CRACD: variants seen among roughly 807,000 people sequenced by gnomAD.
The protein encoded by CRACD is capping protein inhibiting regulator of actin dynamics.
In CRACD, 56 loss-of-function variants were observed where a neutral mutation model predicts 106.8. The ratio of observed to expected loss-of-function variants is 0.52; its 90% CI spans 0.42 to 0.66. The LOEUF is 0.66. Among genes scored for constraint, CRACD ranks in the 30% least tolerant of loss-of-function variants. The pLI, the probability that CRACD is intolerant of heterozygous loss-of-function variation, is 0.00. For synonymous variants in CRACD, 754 were observed against 670.8 expected (o/e 1.12, Z -1.92); for missense variants, 1,730 against 1,623.2 (o/e 1.07, Z -1.13).
intron 1 of CRACD, among the ~76,000 whole-genome samples, chr4:56,073,616 T>C (rs1732737985): frequency 6.6e-6 from 1 of 152,200 alleles, no homozygotes; most frequent in Non-Finnish European, 1.5e-5. Context: ...TTTTGTCAGA[T>C]GGATAGATTG....
intron 1 of CRACD, among the ~76,000 whole-genome samples, chr4:56,147,452 G>A (rs1173618579): frequency 6.6e-6 from 1 of 152,030 alleles, no homozygotes; most frequent in Non-Finnish European, 1.5e-5. Context: ...CTAGCCCTAG[G>A]CAACCACTGA....
intron 1 of CRACD, among the ~76,000 whole-genome samples, chr4:56,079,257 C>T (rs1211535872): frequency 6.6e-6 from 1 of 151,774 alleles, no homozygotes; most frequent in East Asian, 1.9e-4. Context: ...AAGGTTATGA[C>T]TGACTCTGAA....
At chr4:56,089,877 TGGGA>T (rs1733361859) in intron 1 of CRACD, among the ~76,000 whole-genome samples, 1 of 152,172 alleles carries the variant, frequency 6.6e-6, no homozygotes. Context: ...TACCTGTGAA[TGGGA>T]GGAGGTTTTA....
At chr4:56,253,144 C>T (rs17086549) in intron 2 of CRACD, among the ~76,000 whole-genome samples, 4,327 of 152,220 alleles carry the variant, frequency 0.028, 85 homozygotes, top group South Asian at 0.096. Context: ...AGACATGAAA[C>T]GACTTGGCTC....
intron 1 of CRACD, among the ~76,000 whole-genome samples, chr4:56,124,879 T>C (rs1388246663): frequency 3.3e-5 from 5 of 152,180 alleles, no homozygotes; most frequent in Non-Finnish European, 7.3e-5. Flanking sequence ...CGCTGGCCAC[T>C]GGGAAGCAGA....
chr4:56,329,856 A>G lies in CRACD; in HGVS notation c.*2052A>G, dbSNP rs2109813457. On this transcript the variant is annotated 3_prime_UTR_variant, in exon 11 of 11. Transcript: ENST00000682029. ...CAGGTGGGGAACTAAGATCAGTTACAAAAAGTTGTAGATGTGTCAACTTTG... is the reference window on the plus strand; with the variant it reads ...CAGGTGGGGAACTAAGATCAGTTACGAAAAGTTGTAGATGTGTCAACTTTG... Among the ~76,000 whole-genome samples, 1 of 152,338 alleles carries G rather than the reference A, an allele frequency of 6.6e-6. No individual in the cohort carries two copies. The highest frequency in any genetic ancestry group is 1.9e-4 in the East Asian group (1 of 5,190).
intron 1 of CRACD, among the ~76,000 whole-genome samples, chr4:56,159,312 C>G (rs1428348872): frequency 1.3e-5 from 2 of 152,226 alleles, no homozygotes; most frequent in South Asian, 4.1e-4. Flanking sequence ...TACAACCTTT[C>G]TGTGCATAAT....
intron 1 of CRACD, among the ~76,000 whole-genome samples, chr4:56,078,317 A>C (rs886466426): frequency 1.3e-5 from 2 of 152,232 alleles, no homozygotes; most frequent in African/African-American, 4.8e-5. Context: ...ACTGAATTTA[A>C]CATATAGATT....
chr4:56,121,563 G>A (rs533964333), intron 1 of CRACD, among the ~76,000 whole-genome samples: 1 of 152,206 alleles, frequency 6.6e-6, no homozygotes, highest in African/African-American at 2.4e-5. Context: ...GGAATTGCTT[G>A]AACCTGGGAG....
Position 56,314,938 on chromosome 4 carries a change from C to T in CRACD, c.1436C>T (p.Pro479Leu). 6.3e-7 allele frequency: 1 copy of T among 1,599,038 alleles called. No homozygotes were observed. The highest frequency in any genetic ancestry group is 8.5e-7 in the Non-Finnish European group (1 of 1,174,290). Residue 479 changes from proline to leucine, a missense_variant, in exon 8 of 11, where the codon CCC (proline) becomes CTC (leucine). Physicochemically the swap from Pro to Leu is moderately conservative, Grantham distance 98 (BLOSUM62 -3). Transcript: ENST00000682029. The surrounding 1 kb of genome is among the most constrained non-coding windows in gnomAD (Gnocchi z 4.4). ...GDFQGADRPG[P>L]EEKREEGDTE... ...TTCCAGGGGGCCGATCGTCCTGGGC[C>T]CGAGGAAAAGAGAGAAGAAGGGGAC...
intron 2 of CRACD, among the ~76,000 whole-genome samples, chr4:56,202,839 AATCACCTGATTCT>A (rs1737948961): frequency 6.6e-6 from 1 of 152,198 alleles, no homozygotes; most frequent in Admixed American, 6.5e-5. Context: ...TTATAATAAA[AATCACCTGATTCT>A]ATCACCTAGA....
intron 2 of CRACD, among the ~76,000 whole-genome samples, chr4:56,237,290 G>C (rs1344527090): frequency 6.6e-6 from 1 of 151,996 alleles, no homozygotes; most frequent in Non-Finnish European, 1.5e-5. Flanking sequence ...TTATTAAAAT[G>C]AAACCAATAT....
At chr4:56,146,084 T>C (rs1294485852) in intron 1 of CRACD, among the ~76,000 whole-genome samples, 1 of 152,196 alleles carries the variant, frequency 6.6e-6, no homozygotes, top group Non-Finnish European at 1.5e-5. Flanking sequence ...TCCTATACAT[T>C]TTATTATTAT....
chr4:56,130,110 A>ATCCAGCT lies in CRACD; in HGVS notation c.-335-49174_-335-49173insTCCAGCT, dbSNP rs1490197592. Among the ~76,000 whole-genome samples the ATCCAGCT allele has an allele frequency of 2.6e-5, 4 of 152,272 alleles. No homozygotes were observed. In the East Asian group the frequency reaches 7.7e-4, roughly 29 times the overall value. On this transcript the variant is annotated intron_variant, in intron 1 of 10. Transcript: ENST00000682029. The stretch of plus-strand genomic sequence containing the variant: ...ACATGGCGAGACCCCGTCTCTACAA[A>ATCCAGCT]AAATACAAAAATTAGCTGGATATGG...
intron 1 of CRACD, among the ~76,000 whole-genome samples, chr4:56,113,206 A>G (rs1303966346): frequency 6.6e-6 from 1 of 152,152 alleles, no homozygotes; most frequent in Non-Finnish European, 1.5e-5. Flanking sequence ...AATTTGACAC[A>G]GTTTACTGTC....
intron 1 of CRACD, among the ~76,000 whole-genome samples, chr4:56,135,705 A>G (rs1734977891): frequency 6.6e-6 from 1 of 152,186 alleles, no homozygotes; most frequent in Non-Finnish European, 1.5e-5. Context: ...GATAGTGAAC[A>G]GTTCCACGCG....
chr4:56,089,292 C>T (rs1733337019), intron 1 of CRACD, among the ~76,000 whole-genome samples: 1 of 152,132 alleles, frequency 6.6e-6, no homozygotes, highest in Admixed American at 6.6e-5. Context: ...CTTTGTTAGG[C>T]TGTAAACACG....
chr4:56,180,802 C>T (rs1736790369), intron 2 of CRACD, among the ~76,000 whole-genome samples: 1 of 152,126 alleles, frequency 6.6e-6, no homozygotes, highest in Non-Finnish European at 1.5e-5. Context: ...TTACCTCTAC[C>T]GTGAGAGTTC....
At chr4:56,050,308 G>A (rs947366019) in intron 1 of CRACD, among the ~76,000 whole-genome samples, 4 of 146,070 alleles carry the variant, frequency 2.7e-5, no homozygotes, top group African/African-American at 1.0e-4. Context: ...GTGTGTGTGT[G>A]TGTGTGTATT....
Sources: allele counts gnomAD v4.1 joint callset (sites outside exome capture counted in the v4.1 genomes callset), GRCh38; gene constraint gnomAD v4.1.1; non-coding constraint Gnocchi (gnomAD v3.1); transcripts MANE v1.5; gene names NCBI Gene and HGNC (gene_info 2026-07-23, HGNC 2026-07-21).